MAML3: variants seen among roughly 807,000 people sequenced by gnomAD.
MAML3 encodes mastermind-like protein 3.
A neutral mutation model predicts 101.9 loss-of-function variants in MAML3; 27 were observed. The ratio of observed to expected loss-of-function variants is 0.27; its 90% CI spans 0.20 to 0.37. MAML3 has a LOEUF of 0.37. MAML3 is among the 10% of genes least tolerant of loss of function. The pLI is 1.00. For synonymous variants in MAML3, 501 were observed against 555.9 expected (o/e 0.90, Z 1.39); for missense variants, 1,316 against 1,444.9 (o/e 0.91, Z 1.45).
intron 2 of MAML3, among the ~76,000 whole-genome samples, chr4:139,858,550 G>T (rs1363262538): frequency 1.4e-5 from 2 of 147,990 alleles, no homozygotes; most frequent in Non-Finnish European, 3.0e-5. Context: ...TACGTTCCTT[G>T]AATGCTAAGA....
chr4:140,031,906 G>T (rs1433519449), intron 1 of MAML3, among the ~76,000 whole-genome samples: 2 of 152,098 alleles, frequency 1.3e-5, no homozygotes, highest in African/African-American at 2.4e-5. Flanking sequence ...TTCCAGCCTT[G>T]CCTTCTCCCT....
At chr4:140,121,497 T>C (rs1221548802) in intron 1 of MAML3, among the ~76,000 whole-genome samples, 2 of 152,188 alleles carry the variant, frequency 1.3e-5, no homozygotes, top group East Asian at 1.9e-4. Flanking sequence ...GAAAAAGAGG[T>C]GTTAGGCTGT....
chr4:140,123,759 T>G (rs983007765), intron 1 of MAML3, among the ~76,000 whole-genome samples: 4 of 152,236 alleles, frequency 2.6e-5, no homozygotes, highest in Non-Finnish European at 5.9e-5. Context: ...GGTTGATTTC[T>G]TTTTGTGTAG....
chr4:139,921,748 C>T (rs765167049), intron 1 of MAML3, among the ~76,000 whole-genome samples: 8 of 152,098 alleles, frequency 5.3e-5, no homozygotes, highest in Non-Finnish European at 8.8e-5. Flanking sequence ...CTGGGTTGCC[C>T]GCTCACCTTA....
At chr4:139,984,455 A>C (rs1427159434) in intron 1 of MAML3, among the ~76,000 whole-genome samples, 1 of 152,176 alleles carries the variant, frequency 6.6e-6, no homozygotes, top group African/African-American at 2.4e-5. Flanking sequence ...GCTTTGTATG[A>C]AAAAGTCAAC....
chr4:139,753,246 G>A (rs763657213), intron 2 of MAML3, among the ~76,000 whole-genome samples: 9 of 152,156 alleles, frequency 5.9e-5, no homozygotes, highest in Middle Eastern at 3.4e-3. Context: ...TTGTGTGATC[G>A]ATACCATGAT....
intron 1 of MAML3, among the ~76,000 whole-genome samples, chr4:139,984,040 G>A (rs1206648202): frequency 6.6e-6 from 1 of 152,196 alleles, no homozygotes; most frequent in Admixed American, 6.5e-5. Context: ...CCTGAGATCT[G>A]AGTTGGTTTA....
Position 139,889,610 on chromosome 4 carries a change from T to C in MAML3, c.1826A>G (p.Asn609Ser), listed in dbSNP as rs532579172. 5 of 1,613,914 alleles carry C rather than the reference T, an allele frequency of 3.1e-6. No individual in the cohort carries two copies. The African/African-American group carries it at 4.0e-5, about 13-fold the overall frequency. Reference sequence around the variant, plus strand: ...TGTCATCCTCTGACTCAGGTCTGCATTGAAGTGGGTCAGGGGTTTAGTGTT... The same window carrying C: ...TGTCATCCTCTGACTCAGGTCTGCACTGAAGTGGGTCAGGGGTTTAGTGTT... ...YGNTKPLTHF[N>S]ADLSQRMTPP... Residue 609 changes from asparagine (N) to serine (S), a missense_variant, in exon 2 of 5, where the codon AAT becomes AGT. Physicochemically the swap from Asn to Ser is conservative, Grantham distance 46 (BLOSUM62 1). Coordinates refer to ENST00000509479, the MANE Select transcript of MAML3 (RefSeq NM_018717.5).
intron 1 of MAML3, among the ~76,000 whole-genome samples, chr4:139,917,680 G>A (rs191586600): frequency 1.1e-3 from 174 of 152,256 alleles, no homozygotes; most frequent in Middle Eastern, 3.4e-3. Flanking sequence ...TTTAAAAAAC[G>A]ATTAGAGAGA....
intron 1 of MAML3, among the ~76,000 whole-genome samples, chr4:139,936,079 C>A (rs957821926): frequency 4.6e-5 from 7 of 152,116 alleles, no homozygotes; most frequent in African/African-American, 1.7e-4. Flanking sequence ...TCTACTCTAT[C>A]GGAGTTAGAT....
intron 1 of MAML3, among the ~76,000 whole-genome samples, chr4:140,062,529 G>A (rs552336036): frequency 6.6e-6 from 1 of 152,282 alleles, no homozygotes; most frequent in African/African-American, 2.4e-5. Flanking sequence ...AAATTGCTGC[G>A]CTCTGAGAGT....
At chr4:139,810,890 A>C (rs1730785440) in intron 2 of MAML3, among the ~76,000 whole-genome samples, 1 of 152,184 alleles carries the variant, frequency 6.6e-6, no homozygotes, top group South Asian at 2.1e-4. Context: ...ACACAGTTCC[A>C]GCCAATGAGA....
intron 1 of MAML3, among the ~76,000 whole-genome samples, chr4:140,140,380 C>G (rs1192676519): frequency 1.3e-5 from 2 of 151,856 alleles, no homozygotes; most frequent in African/African-American, 4.8e-5. Context: ...ATTTATCATA[C>G]TGGATGGCCT....
chr4:140,042,576 G>T (rs1414718375), intron 1 of MAML3, among the ~76,000 whole-genome samples: 4 of 152,088 alleles, frequency 2.6e-5, no homozygotes, highest in Non-Finnish European at 5.9e-5. Flanking sequence ...GGAGGTTACA[G>T]TGAGCTGAGA....
intron 2 of MAML3, among the ~76,000 whole-genome samples, chr4:139,837,122 CA>C (rs34871581): frequency 0.36 from 30,242 of 84,148 alleles, 4,013 homozygotes; most frequent in Admixed American, 0.46. Flanking sequence ...AACTCTGTCT[CA>C]AAAAAAAAAA....
chr4:140,005,235 T>C (rs1325537727), intron 1 of MAML3, among the ~76,000 whole-genome samples: 3 of 152,352 alleles, frequency 2.0e-5, no homozygotes, highest in Non-Finnish European at 4.4e-5. Context: ...AGCAGGTTGA[T>C]TCACTAGAGA....
intron 1 of MAML3, among the ~76,000 whole-genome samples, chr4:139,942,219 C>T (rs937963376): frequency 6.8e-6 from 1 of 146,434 alleles, no homozygotes; most frequent in African/African-American, 2.5e-5. Flanking sequence ...GGAAGGAAGA[C>T]ATCCTTTAAT....
At chr4:139,804,826 TAGAAGTAGAGG>T (rs1193593754) in intron 2 of MAML3, among the ~76,000 whole-genome samples, 1 of 152,166 alleles carries the variant, frequency 6.6e-6, no homozygotes, top group Non-Finnish European at 1.5e-5. Flanking sequence ...AGTGTGGCTT[TAGAAGTAGAGG>T]ATAGTGTGTC....
At chr4:139,865,139 T>C (rs1377235041) in intron 2 of MAML3, among the ~76,000 whole-genome samples, 1 of 152,134 alleles carries the variant, frequency 6.6e-6, no homozygotes, top group African/African-American at 2.4e-5. Flanking sequence ...CTGCAAATAG[T>C]GCAATTTCAA....
Sources: gnomAD v4.1 joint callset for allele counts (sites outside exome capture counted in the v4.1 genomes callset) on GRCh38, gnomAD v4.1.1 for gene constraint, MANE v1.5 for transcripts, NCBI Gene and HGNC (gene_info 2026-07-23, HGNC 2026-07-21) for gene names.